The following CHN2 variants were observed in gnomAD, a reference collection of about 807,000 sequenced individuals.
The protein encoded by CHN2 is beta-chimaerin.
In CHN2, 35 loss-of-function variants were observed where a neutral mutation model predicts 56.3. The observed-to-expected ratio is 0.62, with a 90% confidence interval of 0.47 to 0.82. The LOEUF is 0.82. Among genes scored for constraint, CHN2 ranks in the 40% least tolerant of loss-of-function variants. CHN2 has a pLI of 0.00. For missense variants in CHN2, 491 were observed against 580.5 expected (o/e 0.85, Z 1.58); for synonymous variants, 210 against 212.8 (o/e 0.99, Z 0.12).
intron 1 of CHN2, among the ~76,000 whole-genome samples, chr7:29,271,317 G>T (rs75262727): frequency 0.015 from 2,306 of 152,320 alleles, 63 homozygotes; most frequent in African/African-American, 0.052. Context: ...GCTCCTGGTT[G>T]TGTTAGATAA....
chr7:29,509,360 C>G lies in CHN2; in HGVS notation c.1189C>G (p.Pro397Ala), dbSNP rs1790999701. The change falls in exon 12 of 13, where the codon CCT becomes GCT. Residue 397 changes from proline (P) to alanine (A), a missense_variant. By Grantham distance (27) the Pro-to-Ala change is conservative. Coordinates refer to ENST00000222792, the MANE Select transcript of CHN2 (RefSeq NM_004067.4). ...AVHEVLMLLP[P>A]AHYETLRYLM... The stretch of plus-strand genomic sequence containing the variant: ...CCATGAAGTGCTGATGCTGCTGCCT[C>G]CTGCCCACTATGAAACCCTCCGGTA... 6.2e-7 allele frequency: 1 copy of G among 1,614,088 alleles called. No individual in the cohort carries two copies. Among genetic ancestry groups the G allele is most frequent in the Non-Finnish European group, 8.5e-7 (1 of 1,179,958 alleles).
intron 5 of CHN2, among the ~76,000 whole-genome samples, chr7:29,400,037 G>A (rs1387718389): frequency 6.6e-6 from 1 of 152,118 alleles, no homozygotes; most frequent in East Asian, 1.9e-4. Context: ...AAGGCATGGG[G>A]TGCTCTGCTG....
At chr7:29,458,785 A>G (rs186766707) in intron 6 of CHN2, among the ~76,000 whole-genome samples, 7 of 152,332 alleles carry the variant, frequency 4.6e-5, no homozygotes, top group South Asian at 2.1e-4. Flanking sequence ...TCTCTTGGCT[A>G]TGTAAAAGCG....
chr7:29,344,874 A>G (rs1208362795), intron 1 of CHN2, among the ~76,000 whole-genome samples: 1 of 152,072 alleles, frequency 6.6e-6, no homozygotes, highest in Non-Finnish European at 1.5e-5. Context: ...TACCACCATC[A>G]ATGCTCCTTG....
intron 5 of CHN2, 196 bp from the exon 6 acceptor site, chr7:29,400,347 T>A (rs990880155): frequency 3.3e-6 from 2 of 606,318 alleles, no homozygotes; most frequent in African/African-American, 3.7e-5. Context: ...TCAGTTACCT[T>A]TGCGGTAAGA....
chr7:29,421,699 G>A lies in CHN2; in HGVS notation c.576+20871G>A, dbSNP rs140403169. Among the ~76,000 whole-genome samples the A allele has an allele frequency of 3.5e-3, 535 of 152,332 alleles. 5 individuals carry two copies. Among genetic ancestry groups the A allele is most frequent in the African/African-American group, 0.012 (488 of 41,558 alleles). ...GAAAGTGAGAGAAGGGCTCATAAAC[G>A]TCTGAGATAGAATGTACGTGAATGT... is the stretch of plus-strand genomic sequence containing the variant. On this transcript the variant is annotated intron_variant, in intron 6 of 12. Coordinates refer to ENST00000222792, the MANE Select transcript of CHN2 (RefSeq NM_004067.4).
chr7:29,322,696 A>G lies in CHN2; in HGVS notation c.50-31929A>G, dbSNP rs181734305. Among the ~76,000 whole-genome samples the G allele has an allele frequency of 1.5e-3, 224 of 152,318 alleles. 1 individual carries two copies. The highest frequency in any genetic ancestry group is 2.7e-3 in the Non-Finnish European group (184 of 68,036). ...ATGAAGTCCTAGGTCTTTACTCCACAAAGGAATTATTTACTGCAAATATAG... is the reference window on the plus strand; with the variant it reads ...ATGAAGTCCTAGGTCTTTACTCCACGAAGGAATTATTTACTGCAAATATAG... On this transcript the variant is annotated intron_variant, in intron 1 of 12. Transcript: ENST00000222792.
At chr7:29,191,170 G>A (rs1782847910), upstream of CHN2, among the ~76,000 whole-genome samples, 1 of 152,026 alleles carries the variant, frequency 6.6e-6, no homozygotes. Flanking sequence ...GGCCTCAAGG[G>A]ATCCTCCCAC....
chr7:29,259,980 T>A (rs1277350523), intron 1 of CHN2, among the ~76,000 whole-genome samples: 2 of 152,112 alleles, frequency 1.3e-5, no homozygotes, highest in Non-Finnish European at 2.9e-5. Context: ...TTCTTCTATC[T>A]AATTTTTTTT....
At chr7:29,413,963 G>A (rs1220445193) in intron 6 of CHN2, among the ~76,000 whole-genome samples, 1 of 152,220 alleles carries the variant, frequency 6.6e-6, no homozygotes, top group Non-Finnish European at 1.5e-5. Context: ...TCCTCGAGAA[G>A]AGATGTGTTC....
At chr7:29,239,758 C>T (rs1001226431) in intron 1 of CHN2, among the ~76,000 whole-genome samples, 5 of 151,956 alleles carry the variant, frequency 3.3e-5, no homozygotes, top group Non-Finnish European at 7.4e-5. Context: ...TTGCAAACTC[C>T]TCTGCATAGT....
chr7:29,337,769 C>T (rs1796736291), intron 1 of CHN2, among the ~76,000 whole-genome samples: 1 of 152,202 alleles, frequency 6.6e-6, no homozygotes, highest in Admixed American at 6.5e-5. Context: ...TGGGTCCTTA[C>T]TCTTGCTTCT....
At chr7:29,252,823 C>T (rs1398564593) in intron 1 of CHN2, among the ~76,000 whole-genome samples, 1 of 143,300 alleles carries the variant, frequency 7.0e-6, no homozygotes. Flanking sequence ...TCTCAATCTC[C>T]TGACCTCATG....
intron 2 of CHN2, among the ~76,000 whole-genome samples, chr7:29,176,343 C>T (rs1445701144): frequency 2.0e-5 from 3 of 151,898 alleles, no homozygotes; most frequent in Non-Finnish European, 4.4e-5. Flanking sequence ...GCTTCAGATT[C>T]CCCCAAACAG....
At chr7:29,437,507 A>G (rs1282712571) in intron 6 of CHN2, among the ~76,000 whole-genome samples, 64 of 99,112 alleles carry the variant, frequency 6.5e-4, no homozygotes, top group African/African-American at 9.5e-4. Context: ...CTGAGGCAGG[A>G]GAATGGCATG....
At chr7:29,476,564 A>T (rs866004853) in intron 6 of CHN2, among the ~76,000 whole-genome samples, 5,417 of 28,206 alleles carry the variant, frequency 0.19, 296 homozygotes, top group African/African-American at 0.34. Context: ...TAAAAATTAA[A>T]AAAAAAAAAT....
At chr7:29,491,427 G>A (rs1216840865) in intron 7 of CHN2, among the ~76,000 whole-genome samples, 5 of 152,056 alleles carry the variant, frequency 3.3e-5, no homozygotes, top group Admixed American at 3.3e-4. Flanking sequence ...GTGTGAGAGA[G>A]AGAGACAATC....
chr7:29,507,410 T>A, intron 11 of CHN2, 45 bp downstream of exon 11: 1 of 1,436,564 alleles, frequency 7.0e-7, no homozygotes, highest in Non-Finnish European at 9.7e-7. Flanking sequence ...AATTTTTAAG[T>A]ACAGTGCTTT....
chr7:29,316,935 G>A (rs1794996449), intron 1 of CHN2, among the ~76,000 whole-genome samples: 1 of 152,206 alleles, frequency 6.6e-6, no homozygotes, highest in South Asian at 2.1e-4. Context: ...AAAAAGGGGT[G>A]TAGGTAGCTT....
Sources: allele counts gnomAD v4.1 joint callset (sites outside exome capture counted in the v4.1 genomes callset), GRCh38; gene constraint gnomAD v4.1.1; transcripts MANE v1.5; gene names NCBI Gene and HGNC (gene_info 2026-07-23, HGNC 2026-07-21).